Variants in TMEM117 observed in about 807,000 individuals in gnomAD.
TMEM117 encodes the protein transmembrane protein 117.
In TMEM117, 27 loss-of-function variants were observed where a neutral mutation model predicts 52.4. The ratio of observed to expected loss-of-function variants is 0.51; its 90% confidence interval spans 0.38 to 0.71. The LOEUF is 0.71. TMEM117 is among the 30% of genes least tolerant of loss of function. The pLI is 0.00. For synonymous variants in TMEM117, 215 were observed against 206.3 expected (o/e 1.04, Z -0.36); for missense variants, 556 against 630.5 (o/e 0.88, Z 1.26).
chr12:43,998,748 C>T (rs189453061), intron 3 of TMEM117, among the ~76,000 whole-genome samples: 9 of 152,194 alleles, frequency 5.9e-5, no homozygotes, highest in Admixed American at 4.6e-4. Context: ...TGAAACTTCC[C>T]TTCATCAAGG....
chr12:43,844,177 G>C (rs1943160702), intron 1 of TMEM117, among the ~76,000 whole-genome samples: 1 of 152,152 alleles, frequency 6.6e-6, no homozygotes, highest in Admixed American at 6.5e-5. Flanking sequence ...AAATACAAAA[G>C]TTAACCAGGC....
At position 43,944,358 on chromosome 12, in the gene TMEM117, C is replaced by A; in HGVS notation, c.410+16C>A. ...GGAACATGGGGTAGGTTTTCTTTCC[C>A]CTTTCTACTGTGGTGAGTGTTATGT... On this transcript the variant is annotated intron_variant, in intron 3 of 7. Transcript: ENST00000266534. 1 of 1,603,468 alleles carries A rather than the reference C, an allele frequency of 6.2e-7. No homozygotes were observed. Among genetic ancestry groups the A allele is most frequent in the South Asian group, 1.1e-5 (1 of 89,506 alleles).
intron 1 of TMEM117, among the ~76,000 whole-genome samples, chr12:43,842,180 A>AT (rs5797878): frequency 0.03 from 4,539 of 152,042 alleles, 151 homozygotes; most frequent in African/African-American, 0.075. Flanking sequence ...ATAAAAGTTC[A>AT]TTTTTTTTGT....
chr12:43,818,811 A>G, the TMEM117 span, among the ~76,000 whole-genome samples: 1 of 152,174 alleles, frequency 6.6e-6, no homozygotes, highest in Non-Finnish European at 1.5e-5. Flanking sequence ...TTTGATACAC[A>G]TTTTAATGGA....
the TMEM117 span, among the ~76,000 whole-genome samples, chr12:43,821,393 A>T: frequency 3.3e-5 from 5 of 152,150 alleles, no homozygotes; most frequent in African/African-American, 1.2e-4. Flanking sequence ...CAATTCTCCT[A>T]CCTCAGCTTC....
At chr12:44,317,456 G>A (rs148839204) in intron 6 of TMEM117, among the ~76,000 whole-genome samples, 17 of 151,896 alleles carry the variant, frequency 1.1e-4, no homozygotes, top group African/African-American at 2.2e-4. Context: ...TGCAAATGGC[G>A]CAATCTCAGC....
intron 3 of TMEM117, among the ~76,000 whole-genome samples, chr12:43,970,675 GA>G (rs1945569179): frequency 6.6e-6 from 1 of 152,050 alleles, no homozygotes; most frequent in South Asian, 2.1e-4. Context: ...GTATATATAG[GA>G]AAAAACAGTA....
intron 3 of TMEM117, among the ~76,000 whole-genome samples, chr12:44,102,282 A>C (rs909356703): frequency 6.6e-6 from 1 of 152,044 alleles, no homozygotes; most frequent in Non-Finnish European, 1.5e-5. Flanking sequence ...TCGGCTATCT[A>C]GAATAGTTTA....
At chr12:44,215,385 G>C (rs17094277) in intron 5 of TMEM117, among the ~76,000 whole-genome samples, 7,513 of 152,182 alleles carry the variant, frequency 0.049, 619 homozygotes, top group African/African-American at 0.17. Context: ...CATATTGCAA[G>C]GGAGCCTAAA....
At chr12:43,896,888 A>G (rs1196693666) in intron 2 of TMEM117, among the ~76,000 whole-genome samples, 1 of 152,142 alleles carries the variant, frequency 6.6e-6, no homozygotes, top group Non-Finnish European at 1.5e-5. Context: ...CTATAATTTA[A>G]TATATTTTTG....
intron 6 of TMEM117, among the ~76,000 whole-genome samples, chr12:44,328,079 G>A (rs1455418609): frequency 6.6e-6 from 1 of 152,160 alleles, no homozygotes; most frequent in African/African-American, 2.4e-5. Flanking sequence ...GTGGCTTGAT[G>A]TTATCTCTAG....
chr12:44,201,264 A>G (rs988205016), intron 4 of TMEM117, among the ~76,000 whole-genome samples: 12 of 152,186 alleles, frequency 7.9e-5, no homozygotes, highest in African/African-American at 2.7e-4. Context: ...TCAAATTGAA[A>G]TCTCTACAAA....
At chr12:43,818,530 TC>T in the TMEM117 span, among the ~76,000 whole-genome samples, 8 of 152,000 alleles carry the variant, frequency 5.3e-5, no homozygotes, top group African/African-American at 1.9e-4. Flanking sequence ...AATCTCCGCC[TC>T]CCGGGTTCAA....
intron 4 of TMEM117, among the ~76,000 whole-genome samples, chr12:44,150,241 A>G (rs1479679794): frequency 1.3e-5 from 2 of 152,216 alleles, no homozygotes; most frequent in Non-Finnish European, 2.9e-5. Context: ...GAAAAAAAGC[A>G]TGCATCAGGG....
chr12:44,297,962 T>G (rs1950789097), intron 5 of TMEM117, among the ~76,000 whole-genome samples: 1 of 152,188 alleles, frequency 6.6e-6, no homozygotes. Context: ...CAATCTGTAT[T>G]TTATATTTTA....
intron 5 of TMEM117, among the ~76,000 whole-genome samples, chr12:44,262,045 G>T (rs1427512072): frequency 6.6e-6 from 1 of 152,166 alleles, no homozygotes; most frequent in Non-Finnish European, 1.5e-5. Flanking sequence ...TTTTATAAAA[G>T]AAATACCTGT....
intron 3 of TMEM117, among the ~76,000 whole-genome samples, chr12:44,115,229 T>TA (rs1948119183): frequency 6.6e-6 from 1 of 152,144 alleles, no homozygotes; most frequent in South Asian, 2.1e-4. Context: ...GAGGATGAGT[T>TA]AAAACCCTCA....
chr12:44,094,344 T>C (rs1422685915), intron 3 of TMEM117, among the ~76,000 whole-genome samples: 2 of 152,078 alleles, frequency 1.3e-5, no homozygotes, highest in African/African-American at 4.8e-5. Flanking sequence ...CATTTGGTAA[T>C]TGGACAGAAG....
At chr12:44,136,990 C>T (rs1948499951) in intron 3 of TMEM117, among the ~76,000 whole-genome samples, 1 of 151,248 alleles carries the variant, frequency 6.6e-6, no homozygotes, top group Non-Finnish European at 1.5e-5. Context: ...ACTCATCCTA[C>T]TTTGGCCCTG....
Sources: gnomAD v4.1 joint callset for allele counts (sites outside exome capture counted in the v4.1 genomes callset) on GRCh38, gnomAD v4.1.1 for gene constraint, MANE v1.5 for transcripts, NCBI Gene and HGNC (gene_info 2026-07-23, HGNC 2026-07-21) for gene names.